Variants in FHIT observed in about 807,000 individuals in gnomAD.
The protein encoded by FHIT is fragile histidine triad diadenosine triphosphatase.
A neutral mutation model predicts 17.9 loss-of-function variants in FHIT; 19 were observed. That is an observed-to-expected ratio of 1.06 (90% CI 0.74 to 1.56). FHIT has a LOEUF of 1.56. Ranked by LOEUF, FHIT falls within the 40% of genes most tolerant of loss-of-function variation. FHIT has a pLI of 0.00. For synonymous variants in FHIT, 81 were observed against 69.7 expected, an observed-to-expected ratio of 1.16 and a Z score of -0.81; for missense variants, 248 against 189.2, an observed-to-expected ratio of 1.31 and a Z score of -1.82.
chr3:60,851,465 C>G (rs1019407488), intron 3 of FHIT, among the ~76,000 whole-genome samples: 20 of 152,086 alleles, frequency 1.3e-4, no homozygotes, highest in African/African-American at 4.8e-4. Flanking sequence ...ACTCCCAGAA[C>G]CCATCTCACA....
At chr3:59,866,153 C>T (rs1249171646) in intron 8 of FHIT, among the ~76,000 whole-genome samples, 1 of 152,090 alleles carries the variant, frequency 6.6e-6, no homozygotes, top group Non-Finnish European at 1.5e-5. Flanking sequence ...GGAGTAAGGG[C>T]CACTTGCAGA....
intron 5 of FHIT, among the ~76,000 whole-genome samples, chr3:60,265,905 A>C (rs1263655940): frequency 1.3e-5 from 2 of 151,938 alleles, no homozygotes; most frequent in Non-Finnish European, 2.9e-5. Context: ...GGTCACCTAT[A>C]ACTAAAAAAA....
intron 5 of FHIT, among the ~76,000 whole-genome samples, chr3:60,254,727 C>A (rs1705898873): frequency 6.6e-6 from 1 of 152,146 alleles, no homozygotes; most frequent in African/African-American, 2.4e-5. Context: ...TTACAATCCA[C>A]TCCCCTACCC....
intron 7 of FHIT, among the ~76,000 whole-genome samples, chr3:59,987,620 C>T (rs1054405849): frequency 2.6e-5 from 4 of 151,958 alleles, no homozygotes; most frequent in Non-Finnish European, 4.4e-5. Flanking sequence ...TAAATTTGAG[C>T]GAGGCTGACT....
intron 3 of FHIT, among the ~76,000 whole-genome samples, chr3:60,885,001 G>A (rs1229902052): frequency 6.6e-6 from 1 of 151,804 alleles, no homozygotes; most frequent in Non-Finnish European, 1.5e-5. Flanking sequence ...TAAAAGTGTG[G>A]ATCTCATGGA....
At chr3:60,624,903 T>TTGTGTG (rs1553680345) in intron 4 of FHIT, among the ~76,000 whole-genome samples, 13 of 149,930 alleles carry the variant, frequency 8.7e-5, no homozygotes, top group African/African-American at 3.0e-4. Context: ...TAGTTTTTTT[T>TTGTGTG]TTTGTTTGTT....
intron 5 of FHIT, among the ~76,000 whole-genome samples, chr3:60,342,690 G>C (rs1376765649): frequency 6.6e-6 from 1 of 152,124 alleles, no homozygotes; most frequent in African/African-American, 2.4e-5. Context: ...ACAAGATTTT[G>C]GCTTTGAAAG....
chr3:59,766,268 G>A (rs1701791673), intron 8 of FHIT, among the ~76,000 whole-genome samples: 1 of 152,218 alleles, frequency 6.6e-6, no homozygotes, highest in Non-Finnish European at 1.5e-5. Flanking sequence ...GATCATCCTT[G>A]AGAGGCATGT....
chr3:60,819,743 C>A (rs1417096566), intron 4 of FHIT, among the ~76,000 whole-genome samples: 1 of 152,092 alleles, frequency 6.6e-6, no homozygotes, highest in East Asian at 1.9e-4. Flanking sequence ...GAGGAAGTAA[C>A]CAGAGTTCCG....
At position 60,626,990 on chromosome 3, in the gene FHIT, T is replaced by C. The variant is rs138559972; in HGVS notation, c.-17-90011A>G. Among the ~76,000 whole-genome samples the C allele has an allele frequency of 3.9e-3, 600 of 152,246 alleles. 3 individuals carry two copies. The highest frequency in any genetic ancestry group is 6.2e-3 in the Non-Finnish European group (424 of 68,006). On this transcript the variant is annotated intron_variant, in intron 4 of 9. Transcript: ENST00000492590. ...TCCTTTATTCTATTGATATGCTATA[T>C]TACATTTATTAGTTTTCATATGTTA...
intron 5 of FHIT, among the ~76,000 whole-genome samples, chr3:60,419,200 C>G (rs1056715575): frequency 5.9e-5 from 9 of 152,198 alleles, no homozygotes; most frequent in African/African-American, 1.9e-4. Context: ...CTGCTGTTTT[C>G]TCATTTGCAC....
intron 3 of FHIT, among the ~76,000 whole-genome samples, chr3:60,947,857 C>G (rs1329492334): frequency 1.3e-5 from 2 of 152,162 alleles, no homozygotes; most frequent in South Asian, 2.1e-4. Context: ...TATTTCTTGA[C>G]ATTGCATTTG....
chr3:60,963,437 T>C (rs999412954), intron 3 of FHIT, among the ~76,000 whole-genome samples: 6 of 152,250 alleles, frequency 3.9e-5, no homozygotes, highest in Admixed American at 2.6e-4. Flanking sequence ...CCTTCAGTTC[T>C]GCTCTGATCT....
At chr3:60,215,091 G>C (rs947085202) in intron 5 of FHIT, among the ~76,000 whole-genome samples, 1 of 151,682 alleles carries the variant, frequency 6.6e-6, no homozygotes, top group Non-Finnish European at 1.5e-5. Flanking sequence ...TGGGTGACAG[G>C]ATCATTCATC....
At chr3:60,702,927 A>G (rs2041282794) in intron 4 of FHIT, among the ~76,000 whole-genome samples, 1 of 152,116 alleles carries the variant, frequency 6.6e-6, no homozygotes, top group African/African-American at 2.4e-5. Flanking sequence ...TTTCTAATAC[A>G]TTTTATCACA....
At chr3:60,853,468 A>G (rs1274008507) in intron 3 of FHIT, among the ~76,000 whole-genome samples, 1 of 152,100 alleles carries the variant, frequency 6.6e-6, no homozygotes, top group African/African-American at 2.4e-5. Context: ...GGATCCTAGC[A>G]GATGACCTTC....
chr3:60,523,726 T>G (rs562984410), intron 5 of FHIT, among the ~76,000 whole-genome samples: 3 of 152,196 alleles, frequency 2.0e-5, no homozygotes, highest in Admixed American at 2.0e-4. Flanking sequence ...GCTGAGGAAA[T>G]AACTGATTTC....
At chr3:60,026,385 G>A (rs968888778) in intron 5 of FHIT, among the ~76,000 whole-genome samples, 6 of 151,722 alleles carry the variant, frequency 4.0e-5, no homozygotes, top group African/African-American at 1.2e-4. Context: ...ATGGTAATGC[G>A]GTTATGTGAT....
intron 8 of FHIT, among the ~76,000 whole-genome samples, chr3:59,807,440 T>C (rs1700246403): frequency 6.6e-6 from 1 of 152,120 alleles, no homozygotes; most frequent in South Asian, 2.1e-4. Context: ...GGGTTAGAAG[T>C]CTGAAAGTCA....
Sources: allele counts gnomAD v4.1 joint callset (sites outside exome capture counted in the v4.1 genomes callset), GRCh38; gene constraint gnomAD v4.1.1; transcripts MANE v1.5; gene names NCBI Gene and HGNC (gene_info 2026-07-23, HGNC 2026-07-21).